MYOCD: variants seen among roughly 807,000 people sequenced by gnomAD.
MYOCD encodes myocardin.
A neutral mutation model predicts 96.1 loss-of-function variants in MYOCD; 32 were observed. That is an observed-to-expected ratio of 0.33 (90% confidence interval 0.25 to 0.45). The LOEUF (loss-of-function observed/expected upper bound fraction) is 0.45, where lower values mean the gene tolerates loss of function less well. MYOCD is among the 20% of genes least tolerant of loss of function. MYOCD has a pLI of 1.00. For missense variants in MYOCD, 1,133 were observed against 1,200.6 expected, an observed-to-expected ratio of 0.94 and a Z score of 0.83; for synonymous variants, 469 against 469.0, an observed-to-expected ratio of 1.00 and a Z score of 0.00.
At chr17:12,734,587 T>C (rs2032285188) in intron 5 of MYOCD, among the ~76,000 whole-genome samples, 4 of 147,224 alleles carry the variant, frequency 2.7e-5, no homozygotes, top group African/African-American at 1.0e-4. Context: ...CTCTGCTGAC[T>C]GCAACCACTG....
At chr17:12,752,302 G>T in intron 9 of MYOCD, 112 bp from the exon 10 acceptor site, 1 of 864,524 alleles carries the variant, frequency 1.2e-6, no homozygotes, top group Non-Finnish European at 1.8e-6. Flanking sequence ...ATAAAAAAGA[G>T]GTGGGTATTG....
chr17:12,750,837 T>C (rs1351008242), intron 9 of MYOCD, among the ~76,000 whole-genome samples: 3 of 152,244 alleles, frequency 2.0e-5, no homozygotes, highest in African/African-American at 7.2e-5. Flanking sequence ...TTACTGTCCA[T>C]ATTTTAAATT....
At chr17:12,728,053 A>G (rs1425448062) in intron 5 of MYOCD, among the ~76,000 whole-genome samples, 1 of 152,214 alleles carries the variant, frequency 6.6e-6, no homozygotes. Flanking sequence ...CTTCGTAGAA[A>G]ACCGCTTATC....
intron 7 of MYOCD, among the ~76,000 whole-genome samples, chr17:12,742,373 A>T (rs1365520852): frequency 6.6e-6 from 1 of 152,106 alleles, no homozygotes; most frequent in African/African-American, 2.4e-5. Flanking sequence ...GGATAAGGTC[A>T]CATTCAGATG....
intron 10 of MYOCD, among the ~76,000 whole-genome samples, chr17:12,754,630 C>T (rs1006837731): frequency 1.3e-5 from 2 of 152,186 alleles, no homozygotes; most frequent in Non-Finnish European, 2.9e-5. Context: ...AGAAGACTCA[C>T]TAACTCAAAG....
chr17:12,682,607 T>G (rs1470602557), intron 1 of MYOCD, among the ~76,000 whole-genome samples: 1 of 152,238 alleles, frequency 6.6e-6, no homozygotes, highest in Non-Finnish European at 1.5e-5. Context: ...CATGCTCTGT[T>G]GTATCCAGGG....
At position 12,736,180 on chromosome 17, in the gene MYOCD, C is replaced by T; in HGVS notation, c.435C>T (p.Ser145=). ...EAIKGNQVSF[S]KSTDAFAFEE... is the part of the protein sequence containing the mutation. ...CCTCAGGTAACCAGGTGAGTTTCTCCAAATCCACGGATGCTTTTGCCTTTG... is the reference window on the plus strand; with the variant it reads ...CCTCAGGTAACCAGGTGAGTTTCTCTAAATCCACGGATGCTTTTGCCTTTG... The change falls in exon 6 of 14, where the codon TCC becomes TCT. Residue 145 remains serine, a synonymous_variant. Transcript: ENST00000425538. 1.4e-5 allele frequency: 23 copies of T among 1,614,008 alleles called. No homozygotes were observed. The highest frequency in any genetic ancestry group is 1.9e-5 in the Non-Finnish European group (22 of 1,179,970).
chr17:12,754,526 G>C (rs2032958993), intron 10 of MYOCD, among the ~76,000 whole-genome samples: 1 of 152,244 alleles, frequency 6.6e-6, no homozygotes, highest in East Asian at 1.9e-4. Context: ...AGCACTTGCA[G>C]GGGCCCTGAG....
chr17:12,705,530 A>G (rs1184867211), intron 2 of MYOCD: 1 of 185,766 alleles, frequency 5.4e-6, no homozygotes, highest in Non-Finnish European at 1.1e-5. Context: ...CAATTACATC[A>G]TCTTTTTCTC....
rs867027473 is a variant in MYOCD, at chr17:12,666,003, G to A, written c.-186G>A. ...GGCTAAGAGTTAATTAGCCCCGCAC[G>A]GCGAGGGGGGAGGCGCCAGTTTTCT... On this transcript the variant is annotated 5_prime_UTR_variant, in exon 1 of 14. Transcript: ENST00000425538. 1 of 553,548 alleles carries A rather than the reference G, an allele frequency of 1.8e-6. No individual in the cohort carries two copies. The highest frequency in any genetic ancestry group is 3.2e-6 in the Non-Finnish European group (1 of 310,832). 34.3% of individuals were successfully genotyped at this position (553,548 alleles called of 1,614,324 possible).
chr17:12,732,040 T>C (rs1489057227), intron 5 of MYOCD, among the ~76,000 whole-genome samples: 1 of 152,162 alleles, frequency 6.6e-6, no homozygotes, highest in African/African-American at 2.4e-5. Flanking sequence ...TGGTCCTCAG[T>C]GCAGCTGTCA....
At chr17:12,745,122 G>T (rs1024253423) in intron 8 of MYOCD, among the ~76,000 whole-genome samples, 16 of 152,214 alleles carry the variant, frequency 1.1e-4, no homozygotes, top group Non-Finnish European at 1.5e-4. Flanking sequence ...GCAGCTGACA[G>T]ACACTCTCAA....
At chr17:12,719,698 C>A (rs147729779) in intron 4 of MYOCD, among the ~76,000 whole-genome samples, 685 of 105,994 alleles carry the variant, frequency 6.5e-3, no homozygotes, top group Non-Finnish European at 6.8e-3. Flanking sequence ...ACTAAAAATA[C>A]AAAAAAAAAA....
intron 7 of MYOCD, among the ~76,000 whole-genome samples, chr17:12,742,096 C>A (rs2032529632): frequency 6.6e-6 from 1 of 152,094 alleles, no homozygotes; most frequent in Admixed American, 6.5e-5. Context: ...CAAGGCAAGC[C>A]TCAGAATGAG....
intron 1 of MYOCD, among the ~76,000 whole-genome samples, chr17:12,700,399 ATTTTTTTTTT>A (rs952565560): frequency 5.6e-4 from 43 of 76,890 alleles, no homozygotes; most frequent in African/African-American, 2.3e-3. Context: ...CAATGGGAGA[ATTTTTTTTTT>A]TTTTTTTTTT....
intron 1 of MYOCD, among the ~76,000 whole-genome samples, chr17:12,700,226 A>G (rs2030998016): frequency 6.6e-6 from 1 of 151,614 alleles, no homozygotes; most frequent in African/African-American, 2.4e-5. Context: ...ATATATTTCT[A>G]TCCTCCTTCA....
intron 9 of MYOCD, among the ~76,000 whole-genome samples, chr17:12,747,363 A>G (rs2032696607): frequency 1.2e-5 from 1 of 81,362 alleles, no homozygotes; most frequent in South Asian, 4.4e-4. Context: ...AGTGACATCA[A>G]TGACAGAAGG....
rs5819386 is a variant in MYOCD, at chr17:12,761,590, TACAC to T, written c.2389+927_2389+930del. On this transcript the variant is annotated intron_variant, in intron 13 of 13. Transcript: ENST00000425538. ...GAGAAGAGTTCATATCAGATGCCCATACACACACACACACACACACACACACACA... is the reference window on the plus strand; with the variant it reads ...GAGAAGAGTTCATATCAGATGCCCATACACACACACACACACACACACACA... The T allele has an allele frequency of 3.9e-3, 551 of 141,366 alleles. 4 individuals are homozygous for T. Among genetic ancestry groups the T allele is most frequent in the African/African-American group, 0.012 (438 of 37,764 alleles). The allele number at this position is 141,366 out of a possible 1,614,324, so 8.8% of individuals were successfully genotyped here. A position where few individuals can be genotyped will look rare whatever the true frequency, so the allele number is the denominator to read the frequency against.
At chr17:12,681,731 G>T (rs1039199913) in intron 1 of MYOCD, among the ~76,000 whole-genome samples, 2 of 152,158 alleles carry the variant, frequency 1.3e-5, no homozygotes, top group Non-Finnish European at 1.5e-5. Context: ...GTGCTCTCCT[G>T]TAAGAGTCAC....
Sources: allele counts gnomAD v4.1 joint callset (sites outside exome capture counted in the v4.1 genomes callset), GRCh38; gene constraint gnomAD v4.1.1; transcripts MANE v1.5; gene names NCBI Gene and HGNC (gene_info 2026-07-23, HGNC 2026-07-21).